PROX2: variants seen among roughly 807,000 people sequenced by gnomAD.
PROX2 encodes prospero homeobox protein 2.
PROX2 carries 46 observed loss-of-function variants against 48.9 expected under a neutral mutation model. The observed-to-expected ratio is 0.94, with a 90% CI of 0.74 to 1.20. PROX2 has a LOEUF of 1.20. Among genes scored for constraint, PROX2 ranks in the 50% most tolerant of loss-of-function variants. The pLI, the probability that PROX2 is intolerant of heterozygous loss-of-function variation, is 0.00. For synonymous variants in PROX2, 260 were observed against 276.6 expected (o/e 0.94, Z 0.60); for missense variants, 663 against 719.4 (o/e 0.92, Z 0.90).
Position 74,862,979 on chromosome 14 carries a change from C to A in PROX2, c.856G>T (p.Ala286Ser), listed in dbSNP as rs745500448. 3 of 1,613,982 alleles carry A rather than the reference C, an allele frequency of 1.9e-6. No individual in the cohort carries two copies. In the South Asian group the frequency reaches 3.3e-5, roughly 18 times the overall value. ...GGACKDPLALAALPRRVQLQA... is the reference protein window; with the variant it reads ...GGACKDPLALSALPRRVQLQA... ...AGCTGGACCCTCCTGGGCAAGGCAG[C>A]CAAAGCAAGTGGATCTTTACAGGCC... Residue 286 changes from alanine (A) to serine (S), a missense_variant, in exon 3 of 6, where the codon GCT (alanine) becomes TCT (serine). Transcript: ENST00000556489.
At chr14:74,865,977 C>G (rs28394058) in intron 2 of PROX2, among the ~76,000 whole-genome samples, 16,683 of 152,134 alleles carry the variant, frequency 0.11, 1,523 homozygotes, top group African/African-American at 0.25. Context: ...CAATTGGAGA[C>G]TGGGTGCAGT....
intron 2 of PROX2, among the ~76,000 whole-genome samples, chr14:74,866,107 A>T (rs1024388320): frequency 4.6e-5 from 7 of 151,206 alleles, no homozygotes; most frequent in Non-Finnish European, 1.0e-4. Context: ...AAAATACAAA[A>T]ATTAGCCGAG....
chr14:74,860,883 G>A (rs932942943), intron 3 of PROX2, among the ~76,000 whole-genome samples: 22 of 152,122 alleles, frequency 1.4e-4, no homozygotes, highest in African/African-American at 5.3e-4. Flanking sequence ...GGGAGACTGA[G>A]GTGTTTTTGC....
At chr14:74,869,246 G>C (rs1883152639) in intron 2 of PROX2, among the ~76,000 whole-genome samples, 2 of 152,070 alleles carry the variant, frequency 1.3e-5, no homozygotes, top group African/African-American at 4.8e-5. Context: ...AACTGACTGG[G>C]GGTAGAGAGG....
At position 74,870,441 on chromosome 14, in the gene PROX2, TACACACACACAC is replaced by T. The variant is rs10525556; in HGVS notation, c.-175+650_-175+661del. Among the ~76,000 whole-genome samples the T allele has an allele frequency of 5.4e-5, 6 of 110,932 alleles. No homozygotes were observed. The East Asian group carries it at 7.2e-4, about 13-fold the overall frequency. The allele number at this position is 110,932 out of a possible 152,430, so 72.8% of individuals were successfully genotyped here. On this transcript the variant is annotated intron_variant, in intron 2 of 5. Coordinates refer to ENST00000556489, the MANE Select transcript of PROX2 (RefSeq NM_001243007.2). ...GCCTGCCTCAAAAAAAAAAAAAAAA[TACACACACACAC>T]ACACACACACACACACGCCCATACA...
Position 74,856,798 on chromosome 14 carries a change from T to C in PROX2, c.1608+3A>G. On this transcript the variant is annotated splice_donor_region_variant and intron_variant, in intron 5 of 5. Transcript: ENST00000556489. ...CTCATGGGAACCCAGTACATGGTCT[T>C]ACCTCAAAGTCATTTCCCTTGTTGT... 1.2e-6 allele frequency: 2 copies of C among 1,612,872 alleles called. No individual in the cohort carries two copies. Among genetic ancestry groups the C allele is most frequent in the Non-Finnish European group, 1.7e-6 (2 of 1,178,838 alleles).
intron 5 of PROX2, 57 bp downstream of exon 5, chr14:74,856,744 G>A (rs779458160): frequency 2.4e-4 from 346 of 1,471,708 alleles, no homozygotes; most frequent in Non-Finnish European, 3.0e-4. Flanking sequence ...CCTAAAACTC[G>A]AATCATATAG....
rs919913714 is a variant in PROX2 at position 74,863,522 on chromosome 14, T to A, written c.313A>T (p.Lys105Ter). The change falls in exon 3 of 6, where the codon AAG becomes TAG. Residue 105 changes from lysine (K) to a stop codon, truncating the protein, a stop_gained. Coordinates refer to ENST00000556489, the MANE Select transcript of PROX2 (RefSeq NM_001243007.2). LOFTEE classifies it high-confidence loss of function. The part of the protein sequence containing the change: ...CPKKARERKR[K>*]QNLPTPQGLL... ...CCTTGCGGTGTGGGAAGGTTCTGCT[T>A]CCTCTTCCTCTCTCGGGCCTTCTTT... 4.3e-6 allele frequency: 7 copies of A among 1,613,434 alleles called. No individual in the cohort carries two copies. Among genetic ancestry groups the A allele is most frequent in the Non-Finnish European group, 5.9e-6 (7 of 1,179,698 alleles).
chr14:74,867,554 A>T (rs959820602), intron 2 of PROX2, among the ~76,000 whole-genome samples: 2 of 152,186 alleles, frequency 1.3e-5, no homozygotes, highest in Non-Finnish European at 2.9e-5. Flanking sequence ...CATTGAATAA[A>T]TTGTCCATAA....
chr14:74,856,833 T>G lies in PROX2; in HGVS notation c.1576A>C (p.Asn526His). 6.2e-7 allele frequency: 1 copy of G among 1,614,030 alleles called. No individual in the cohort carries two copies. Residue 526 changes from asparagine to histidine, a missense_variant, in exon 5 of 6, where the codon AAT becomes CAT. Coordinates refer to ENST00000556489, the MANE Select transcript of PROX2 (RefSeq NM_001243007.2). ...TCATTTCCCTTGTTGTAGTGCATAT[T>G]GAGAGCTTGAAAAAGTTCTGAATTG... ...LRNSELFQAL[N>H]MHYNKGNDFE...
chr14:74,874,186 G>T, intron 1 of PROX2: 1 of 472,194 alleles, frequency 2.1e-6, no homozygotes. Context: ...AAAGAAAGCT[G>T]CAGAATGGGA....
chr14:74,868,010 C>A (rs2140172191), intron 2 of PROX2, among the ~76,000 whole-genome samples: 1 of 152,186 alleles, frequency 6.6e-6, no homozygotes, highest in South Asian at 2.1e-4. Context: ...CTGCCCACAG[C>A]CCTTTATCTG....
At position 74,854,344 on chromosome 14, in the gene PROX2, G is replaced by T; in HGVS notation, c.*788C>A. The T allele has an allele frequency of 2.6e-6, 1 of 387,916 alleles. No individual in the cohort carries two copies. Among genetic ancestry groups the T allele is most frequent in the Non-Finnish European group, 5.2e-6 (1 of 191,224 alleles). The allele number at this position is 387,916 out of a possible 1,614,324, so 24.0% of individuals were successfully genotyped here. On this transcript the variant is annotated 3_prime_UTR_variant, in exon 6 of 6. Transcript: ENST00000556489. ...ATCAGCAGAAATCTTGGGCGGTGAA[G>T]TGCTCCTAAGTGCTGGGCAGGAGTT...
In PROX2 at chr14:74,876,101, A is replaced by AAGGC. The variant is rs1883338533; in HGVS notation, c.-520_-517dup. On this transcript the variant is annotated 5_prime_UTR_variant, in exon 1 of 6. Coordinates refer to ENST00000556489, the MANE Select transcript of PROX2 (RefSeq NM_001243007.2). ...GGAGGCTCTGGCCCCTTCTTAGCAC[A>AAGGC]AGGCACTGTCTGACAGACCCAGTCT... 6.6e-6 allele frequency among the ~76,000 whole-genome samples: 1 copy of AAGGC among 152,204 alleles called. No individual in the cohort carries two copies. Among genetic ancestry groups the AAGGC allele is most frequent in the Admixed American group, 6.5e-5 (1 of 15,282 alleles).
In PROX2 at chr14:74,856,938, A is replaced by G. The variant is rs1594857740; in HGVS notation, c.1471T>C (p.Tyr491His). ...IKWFSNFREF[Y>H]YIQMEKSARQ... The stretch of plus-strand genomic sequence containing the variant: ...GCAGATTTTTCCATTTGGATGTAAT[A>G]AAACTCACGAAAGTTGCTGAACCAC... Residue 491 changes from tyrosine (Y) to histidine (H), a missense_variant, in exon 5 of 6, where the codon TAT (tyrosine) becomes CAT (histidine). Physicochemically the swap from Tyr to His is moderately conservative, Grantham distance 83. Coordinates refer to ENST00000556489, the MANE Select transcript of PROX2 (RefSeq NM_001243007.2). The G allele has an allele frequency of 6.2e-7, 1 of 1,614,018 alleles. No homozygotes were observed.
chr14:74,868,298 T>A (rs969878752), intron 2 of PROX2, among the ~76,000 whole-genome samples: 1 of 135,622 alleles, frequency 7.4e-6, no homozygotes, highest in Admixed American at 7.9e-5. Flanking sequence ...CAGAGAAGTT[T>A]ATAATTTCTC....
intron 2 of PROX2, among the ~76,000 whole-genome samples, chr14:74,864,852 A>T (rs1241965455): frequency 6.9e-6 from 1 of 145,856 alleles, no homozygotes; most frequent in African/African-American, 2.6e-5. Context: ...AAAAAAAAAA[A>T]GCAAATTCAG....
chr14:74,872,412 T>C (rs980094519), intron 1 of PROX2, among the ~76,000 whole-genome samples: 3 of 152,212 alleles, frequency 2.0e-5, no homozygotes, highest in African/African-American at 7.2e-5. Context: ...TGGAAAGGTA[T>C]GGAGGAAAAT....
Position 74,863,771 on chromosome 14 carries a change from A to T in PROX2, c.64T>A (p.Cys22Ser). 1 of 1,525,760 alleles carries T rather than the reference A, an allele frequency of 6.6e-7. No homozygotes were observed. 94.5% of individuals were successfully genotyped at this position (1,525,760 alleles called of 1,614,324 possible). The change falls in exon 3 of 6, where the codon TGT becomes AGT. Residue 22 changes from cysteine (C) to serine (S), a missense_variant. Transcript: ENST00000556489. Reference sequence around the variant, plus strand: ...GATGAGCTTCTCTCGCCTTCCGTACAAGCTTCTGCTAGGTGGGAGCAGATC... The same window carrying T: ...GATGAGCTTCTCTCGCCTTCCGTACTAGCTTCTGCTAGGTGGGAGCAGATC... ...PQICSHLAEACTEGERSSSPP... is the reference protein window; with the variant it reads ...PQICSHLAEASTEGERSSSPP...
Sources: gnomAD v4.1 joint callset for allele counts (sites outside exome capture counted in the v4.1 genomes callset) on GRCh38, gnomAD v4.1.1 for gene constraint, MANE v1.5 for transcripts, NCBI Gene and HGNC (gene_info 2026-07-23, HGNC 2026-07-21) for gene names.